The following PCNX2 variants were observed in gnomAD, a reference collection of about 807,000 sequenced individuals.
PCNX2 encodes pecanex 2, also known as pecanex-like protein 2.
Under a neutral mutation model 223.8 loss-of-function variants are expected in PCNX2, and 168 were observed. The ratio of observed to expected loss-of-function variants is 0.75; its 90% confidence interval spans 0.66 to 0.85. PCNX2 has a LOEUF of 0.85. Among genes scored for constraint, PCNX2 ranks in the 40% least tolerant of loss-of-function variants. The pLI is 0.00. For missense variants in PCNX2, 2,507 were observed against 2,675.5 expected (o/e 0.94, Z 1.39); for synonymous variants, 1,006 against 1,052.6 (o/e 0.96, Z 0.86).
In PCNX2 at chr1:233,045,219, G is replaced by A. The variant is rs80183130; in HGVS notation, c.4351+9049C>T. Among the ~76,000 whole-genome samples, 1,194 of 152,238 alleles carry A rather than the reference G, an allele frequency of 7.8e-3. 10 individuals carry two copies. The highest frequency in any genetic ancestry group is 0.013 in the African/African-American group (551 of 41,536). On this transcript the variant is annotated intron_variant, in intron 25 of 33. Transcript: ENST00000258229. ...AGCCTCTTTTGTAGTCATGTCAATCGTGGACAGCAGAATGTACAAGGAAAT... is the reference window on the plus strand; with the variant it reads ...AGCCTCTTTTGTAGTCATGTCAATCATGGACAGCAGAATGTACAAGGAAAT...
chr1:233,108,482 T>C (rs1228610801), intron 21 of PCNX2, among the ~76,000 whole-genome samples: 1 of 152,152 alleles, frequency 6.6e-6, no homozygotes, highest in African/African-American at 2.4e-5. Context: ...TAGGGAGCCA[T>C]AGAAATTGCC....
intron 25 of PCNX2, among the ~76,000 whole-genome samples, chr1:233,027,382 T>C (rs1241287336): frequency 6.6e-6 from 1 of 152,146 alleles, no homozygotes; most frequent in African/African-American, 2.4e-5. Flanking sequence ...AAAAAATCTT[T>C]TTGACTTTAT....
chr1:233,227,239 C>A lies in PCNX2; in HGVS notation c.2491G>T (p.Ala831Ser). The change falls in exon 10 of 34, where the codon GCA becomes TCA. Residue 831 changes from alanine (A) to serine (S), a missense_variant. Physicochemically the swap from Ala to Ser is moderately conservative, Grantham distance 99. This residue lies in a region of PCNX2 where 1,031 missense variants were observed against 1,021.7 expected (regional missense o/e 1.01). Transcript: ENST00000258229. ...TCAGTGGCTTACCGATCAAGTAATG[C>A]CAGCAAGGTCAGTCGATCATACCAG... ...KVWYDRLTLL[A>S]LLDRTEDIKE... 6.2e-7 allele frequency: 1 copy of A among 1,612,098 alleles called. No individual in the cohort carries two copies.
chr1:233,294,053 G>T, intron 1 of PCNX2: 1 of 946,320 alleles, frequency 1.1e-6, no homozygotes, highest in Non-Finnish European at 1.3e-6. Context: ...TATAATTTTG[G>T]TTAATTTTTC....
chr1:233,291,069 A>C (rs1157544104), intron 1 of PCNX2: 1 of 985,314 alleles, frequency 1.0e-6, no homozygotes, highest in Non-Finnish European at 1.2e-6. Context: ...CACAGCCTTC[A>C]AAGTGCTCTT....
intron 21 of PCNX2, among the ~76,000 whole-genome samples, chr1:233,109,652 A>G (rs1032408246): frequency 6.6e-6 from 1 of 152,254 alleles, no homozygotes; most frequent in Non-Finnish European, 1.5e-5. Context: ...AACTGAGTTC[A>G]AAACTGCAAA....
intron 1 of PCNX2, among the ~76,000 whole-genome samples, chr1:233,270,046 T>C (rs1660566172): frequency 6.6e-6 from 1 of 151,888 alleles, no homozygotes; most frequent in Admixed American, 6.6e-5. Flanking sequence ...CCTTTGTCCA[T>C]CTGGTCATCC....
At chr1:233,190,744 G>A (rs749854754) in intron 15 of PCNX2, among the ~76,000 whole-genome samples, 3 of 152,094 alleles carry the variant, frequency 2.0e-5, no homozygotes, top group Non-Finnish European at 4.4e-5. Context: ...CAGAGTTAAC[G>A]GCGTGCTTTC....
intron 32 of PCNX2, among the ~76,000 whole-genome samples, chr1:232,993,877 A>G (rs1182090680): frequency 6.6e-6 from 1 of 152,214 alleles, no homozygotes; most frequent in African/African-American, 2.4e-5. Flanking sequence ...TGCAAACTCC[A>G]AGCCTTTGCT....
At chr1:232,989,250 C>G (rs796560211) in intron 32 of PCNX2, among the ~76,000 whole-genome samples, 70 of 152,250 alleles carry the variant, frequency 4.6e-4, no homozygotes, top group African/African-American at 1.6e-3. Context: ...GTCAGGAGAT[C>G]GAGACCATCC....
At chr1:233,231,877 T>C (rs1042823267) in intron 9 of PCNX2, among the ~76,000 whole-genome samples, 2 of 152,162 alleles carry the variant, frequency 1.3e-5, no homozygotes, top group Non-Finnish European at 2.9e-5. Context: ...CAGGGTCCCT[T>C]CAACACCCCA....
At chr1:233,044,387 T>G (rs1042566534) in intron 25 of PCNX2, among the ~76,000 whole-genome samples, 10 of 152,354 alleles carry the variant, frequency 6.6e-5, no homozygotes, top group Admixed American at 3.9e-4. Flanking sequence ...TAGTTTCTTT[T>G]GCTGTGCAGA....
chr1:233,020,834 G>C (rs1354414388), intron 26 of PCNX2, among the ~76,000 whole-genome samples: 1 of 152,148 alleles, frequency 6.6e-6, no homozygotes, highest in Non-Finnish European at 1.5e-5. Context: ...ATTCATACAG[G>C]GTGGGGGAAC....
intron 10 of PCNX2, among the ~76,000 whole-genome samples, chr1:233,219,246 G>T (rs6688165): frequency 0.28 from 42,025 of 152,028 alleles, 6,531 homozygotes; most frequent in Non-Finnish European, 0.36. Flanking sequence ...GGCAAGGGCT[G>T]CAAGGTAAGA....
At chr1:233,314,490 G>A in the PCNX2 span, among the ~76,000 whole-genome samples, 4 of 152,122 alleles carry the variant, frequency 2.6e-5, no homozygotes, top group East Asian at 1.9e-4. Context: ...TTACTTCTAC[G>A]TGGAAAACAT....
rs755470096 is a variant in PCNX2 at position 233,025,164 on chromosome 1, G to A, written c.4587C>T (p.Leu1529=). 1 of 1,614,026 alleles carries A rather than the reference G, an allele frequency of 6.2e-7. No individual in the cohort carries two copies. The highest frequency in any genetic ancestry group is 8.5e-7 in the Non-Finnish European group (1 of 1,179,890). ...MLQVFDLRRI[L]IRYYIKSIIY... Reference sequence around the variant, plus strand: ...GCAATACCTTGATGTAGTAGCGGATGAGGATCCTTCGGAGGTCAAACACCT... The same window carrying A: ...GCAATACCTTGATGTAGTAGCGGATAAGGATCCTTCGGAGGTCAAACACCT... Residue 1529 remains leucine, a synonymous_variant, in exon 26 of 34, where the codon CTC becomes CTT. Transcript: ENST00000258229.
chr1:233,016,800 CTTT>C, intron 27 of PCNX2, 118 bp downstream of exon 27: 1 of 1,448,142 alleles, frequency 6.9e-7, no homozygotes. Context: ...CCAAATAGTG[CTTT>C]TTTTCTATCC....
At chr1:233,131,460 A>T (rs953404179) in intron 21 of PCNX2, among the ~76,000 whole-genome samples, 3 of 152,126 alleles carry the variant, frequency 2.0e-5, no homozygotes, top group African/African-American at 7.2e-5. Context: ...TTTACAGGGG[A>T]CCTTAACTGT....
chr1:233,247,658 C>T (rs112305700), intron 8 of PCNX2, among the ~76,000 whole-genome samples: 4,379 of 152,038 alleles, frequency 0.029, 212 homozygotes, highest in African/African-American at 0.099. Context: ...GCTGGCGGAT[C>T]ACGAGGTCAG....
Sources: allele counts gnomAD v4.1 joint callset (sites outside exome capture counted in the v4.1 genomes callset), GRCh38; gene constraint gnomAD v4.1.1; regional missense constraint gnomAD v4.1.1; transcripts MANE v1.5; gene names NCBI Gene and HGNC (gene_info 2026-07-23, HGNC 2026-07-21).